The following LRP1B variants were observed in gnomAD, a reference collection of about 807,000 sequenced individuals.
The protein encoded by LRP1B is low-density lipoprotein receptor-related protein 1B.
LRP1B carries 217 observed loss-of-function variants against 556.6 expected under a neutral mutation model. The ratio of observed to expected loss-of-function variants is 0.39; its 90% CI spans 0.35 to 0.44. The LOEUF is 0.44. Ranked by LOEUF, LRP1B falls within the 20% of genes least tolerant of loss-of-function variation. The pLI is 1.00. For synonymous variants in LRP1B, 2,047 were observed against 1,865.8 expected (o/e 1.10, Z -2.50); for missense variants, 5,053 against 5,620.8 (o/e 0.90, Z 3.23).
At chr2:140,700,196 GTA>G in intron 41 of LRP1B, 52 bp downstream of exon 41, 2 of 1,434,684 alleles carry the variant, frequency 1.4e-6, no homozygotes, top group South Asian at 2.4e-5. Flanking sequence ...TATTTCTCTA[GTA>G]ATCTAAATGA....
chr2:140,315,852 C>T (rs1008666478), intron 82 of LRP1B, among the ~76,000 whole-genome samples: 11 of 152,024 alleles, frequency 7.2e-5, no homozygotes, highest in African/African-American at 2.7e-4. Flanking sequence ...TGATGTTGGT[C>T]CTTATTAACC....
chr2:141,745,513 G>T (rs1160452995), intron 2 of LRP1B, among the ~76,000 whole-genome samples: 2 of 151,860 alleles, frequency 1.3e-5, no homozygotes, highest in African/African-American at 4.8e-5. Context: ...TTCACTTCAG[G>T]CCCAGGGCCT....
chr2:141,169,507 G>A (rs1168671006), intron 7 of LRP1B, among the ~76,000 whole-genome samples: 2 of 151,738 alleles, frequency 1.3e-5, no homozygotes, highest in Admixed American at 1.3e-4. Flanking sequence ...ATTGAAGTGA[G>A]GAGAATTACA....
chr2:141,721,128 C>G (rs1472654662), intron 2 of LRP1B, among the ~76,000 whole-genome samples: 1 of 152,106 alleles, frequency 6.6e-6, no homozygotes, highest in Non-Finnish European at 1.5e-5. Flanking sequence ...TCATCCTTCA[C>G]AAGCAAAGGG....
At chr2:141,467,105 T>TATATATATAC (rs1682247603) in intron 3 of LRP1B, among the ~76,000 whole-genome samples, 1 of 2,422 alleles carries the variant, frequency 4.1e-4, no homozygotes, top group African/African-American at 5.5e-4. Context: ...TATATGTGTA[T>TATATATATAC]ATATATATAT....
chr2:141,279,195 A>C (rs1685416295), intron 3 of LRP1B, among the ~76,000 whole-genome samples: 1 of 152,106 alleles, frequency 6.6e-6, no homozygotes, highest in African/African-American at 2.4e-5. Context: ...AAAAGGTTGA[A>C]AAGATTAAAT....
chr2:140,598,731 G>C lies in LRP1B; in HGVS notation c.7094C>G (p.Pro2365Arg). The change falls in exon 43 of 91, where the codon CCA (proline) becomes CGA (arginine). Residue 2365 changes from proline to arginine, a missense_variant. Pro to Arg is a moderately radical substitution (Grantham distance 103). This residue lies in a region of LRP1B where 3,619 missense variants were observed against 3,931.9 expected (regional missense o/e 0.92). Transcript: ENST00000389484. ...ACGGTAGTCGATAGTAAGTCCATTT[G>C]GAGTGAGTATGTCTGTACTGACCAC... is the stretch of plus-strand genomic sequence containing the variant. ...QVVVSTDILT[P>R]NGLTIDYRAE... 6.2e-7 allele frequency: 1 copy of C among 1,613,314 alleles called. No homozygotes were observed. Among genetic ancestry groups the C allele is most frequent in the Non-Finnish European group, 8.5e-7 (1 of 1,179,426 alleles).
intron 35 of LRP1B, among the ~76,000 whole-genome samples, chr2:140,729,613 A>T (rs1687707756): frequency 6.6e-6 from 1 of 152,178 alleles, no homozygotes; most frequent in Non-Finnish European, 1.5e-5. Flanking sequence ...CTTTCTATTG[A>T]AGGCCATGTG....
At chr2:141,169,362 A>G (rs1260961023) in intron 7 of LRP1B, among the ~76,000 whole-genome samples, 1 of 151,732 alleles carries the variant, frequency 6.6e-6, no homozygotes, top group Non-Finnish European at 1.5e-5. Flanking sequence ...GTATGTAAGG[A>G]ATAAGAAAAA....
At chr2:140,892,690 A>G (rs1056332765) in intron 23 of LRP1B, among the ~76,000 whole-genome samples, 1 of 152,126 alleles carries the variant, frequency 6.6e-6, no homozygotes, top group Non-Finnish European at 1.5e-5. Flanking sequence ...TTTTATCCAC[A>G]TCTATAAGAA....
chr2:141,416,014 TTCTC>T (rs1416892823), intron 3 of LRP1B, among the ~76,000 whole-genome samples: 5 of 152,358 alleles, frequency 3.3e-5, no homozygotes, highest in East Asian at 3.9e-4. Context: ...TTTGAATAAG[TTCTC>T]TCTAATAGTA....
chr2:141,769,338 C>A (rs575947283), intron 2 of LRP1B, among the ~76,000 whole-genome samples: 1 of 152,182 alleles, frequency 6.6e-6, no homozygotes, highest in Non-Finnish European at 1.5e-5. Context: ...ATTAATGCCA[C>A]TGTAATCCCT....
intron 3 of LRP1B, among the ~76,000 whole-genome samples, chr2:141,466,369 C>G (rs950080921): frequency 6.6e-6 from 1 of 152,178 alleles, no homozygotes; most frequent in African/African-American, 2.4e-5. Context: ...TAGTGAGTAA[C>G]TAACTGCTCT....
At chr2:141,285,379 G>A (rs1446051091) in intron 3 of LRP1B, among the ~76,000 whole-genome samples, 1 of 150,784 alleles carries the variant, frequency 6.6e-6, no homozygotes, top group Non-Finnish European at 1.5e-5. Context: ...GAGCTACCAC[G>A]CCTGGCCTCT....
chr2:141,953,141 G>T (rs1206149933), intron 1 of LRP1B, among the ~76,000 whole-genome samples: 1 of 151,946 alleles, frequency 6.6e-6, no homozygotes, highest in African/African-American at 2.4e-5. Context: ...TCATTAGATG[G>T]TTCTTCATGA....
At chr2:140,256,930 G>GCGGCCGGGCGCGGTGGCTCA (rs1234112263) in intron 86 of LRP1B, among the ~76,000 whole-genome samples, 1 of 151,466 alleles carries the variant, frequency 6.6e-6, no homozygotes, top group African/African-American at 2.4e-5. Context: ...AGTGTATATG[G>GCGGCCGGGCGCGGTGGCTCA]CATACCAATA....
intron 1 of LRP1B, among the ~76,000 whole-genome samples, chr2:141,953,972 ATTACT>A (rs906898446): frequency 2.6e-5 from 4 of 152,052 alleles, no homozygotes; most frequent in Admixed American, 6.6e-5. Flanking sequence ...TAAAATTCCT[ATTACT>A]TTAATATTTT....
chr2:141,690,402 T>A (rs869209496), intron 2 of LRP1B, among the ~76,000 whole-genome samples: 3,291 of 30,748 alleles, frequency 0.11, 130 homozygotes, highest in Non-Finnish European at 0.13. Context: ...TATAAATATA[T>A]ATATATATAT....
At chr2:140,705,521 C>CAAAAAAAAAA (rs565447198) in intron 37 of LRP1B, among the ~76,000 whole-genome samples, 32 of 68,208 alleles carry the variant, frequency 4.7e-4, no homozygotes, top group South Asian at 6.0e-4. Flanking sequence ...GAGACTGTCT[C>CAAAAAAAAAA]AAAAAAAAAA....
Sources: allele counts gnomAD v4.1 joint callset (sites outside exome capture counted in the v4.1 genomes callset), GRCh38; gene constraint gnomAD v4.1.1; regional missense constraint gnomAD v4.1.1; transcripts MANE v1.5; gene names NCBI Gene and HGNC (gene_info 2026-07-23, HGNC 2026-07-21).